LRMDA: variants seen among roughly 807,000 people sequenced by gnomAD.
The protein encoded by LRMDA is leucine rich melanocyte differentiation associated, also known as leucine-rich melanocyte differentiation-associated protein.
LRMDA carries 18 observed loss-of-function variants against 29.8 expected under a neutral mutation model. That is an observed-to-expected ratio of 0.60 (90% CI 0.42 to 0.90). LRMDA has a LOEUF of 0.90. Among genes scored for constraint, LRMDA ranks in the 40% least tolerant of loss-of-function variants. LRMDA has a pLI of 0.00. For synonymous variants in LRMDA, 125 were observed against 109.4 expected (o/e 1.14, Z -0.89); for missense variants, 273 against 273.9 (o/e 1.00, Z 0.02).
intron 5 of LRMDA, among the ~76,000 whole-genome samples, chr10:76,061,802 C>T (rs1357427791): frequency 3.3e-5 from 5 of 152,182 alleles, no homozygotes; most frequent in Non-Finnish European, 7.3e-5. Context: ...GACGATTCTT[C>T]TGTGTTCTTG....
intron 2 of LRMDA, among the ~76,000 whole-genome samples, chr10:76,018,241 T>TA (rs1246532483): frequency 6.6e-6 from 1 of 152,214 alleles, no homozygotes; most frequent in African/African-American, 2.4e-5. Flanking sequence ...ATAATGTTTG[T>TA]AGTCAGGGCC....
At chr10:75,781,640 T>C (rs968900657) in intron 2 of LRMDA, among the ~76,000 whole-genome samples, 10 of 152,176 alleles carry the variant, frequency 6.6e-5, no homozygotes, top group African/African-American at 2.4e-4. Context: ...ATCTTTTTGC[T>C]GATACCCCTC....
chr10:75,598,877 C>T (rs193283402), intron 2 of LRMDA, among the ~76,000 whole-genome samples: 4 of 152,232 alleles, frequency 2.6e-5, no homozygotes, highest in African/African-American at 9.6e-5. Context: ...AGCAAAGCAC[C>T]TGGGCTTCTG....
intron 6 of LRMDA, among the ~76,000 whole-genome samples, chr10:76,451,642 CTT>C (rs777043341): frequency 6.2e-5 from 8 of 129,958 alleles, no homozygotes; most frequent in Admixed American, 7.8e-5. Context: ...TTCTCCAATG[CTT>C]TTTTTTTTTT....
intron 6 of LRMDA, among the ~76,000 whole-genome samples, chr10:76,379,085 G>A (rs1173318891): frequency 6.6e-6 from 1 of 151,704 alleles, no homozygotes; most frequent in Non-Finnish European, 1.5e-5. Context: ...TCAGACTCCT[G>A]ACCTCAGGTG....
At chr10:75,693,601 G>A (rs980179859) in intron 2 of LRMDA, among the ~76,000 whole-genome samples, 4 of 152,178 alleles carry the variant, frequency 2.6e-5, no homozygotes, top group Non-Finnish European at 4.4e-5. Flanking sequence ...CGATGGAGTC[G>A]TATGATGCCC....
chr10:75,594,689 G>T (rs149170640), intron 2 of LRMDA, among the ~76,000 whole-genome samples: 5 of 152,300 alleles, frequency 3.3e-5, no homozygotes, highest in African/African-American at 1.2e-4. Flanking sequence ...GTCATAGTAG[G>T]GGGGATCCTA....
intron 6 of LRMDA, among the ~76,000 whole-genome samples, chr10:76,428,053 G>T (rs1842148456): frequency 6.6e-6 from 1 of 152,082 alleles, no homozygotes; most frequent in Non-Finnish European, 1.5e-5. Flanking sequence ...AGGGATATTG[G>T]TCTAAAATTC....
intron 2 of LRMDA, among the ~76,000 whole-genome samples, chr10:75,737,061 G>GCACACA (rs148786283): frequency 1.4e-5 from 2 of 147,786 alleles, no homozygotes; most frequent in Non-Finnish European, 1.5e-5. Flanking sequence ...ACGCACGCAC[G>GCACACA]CACACACACA....
intron 2 of LRMDA, among the ~76,000 whole-genome samples, chr10:75,470,644 G>T (rs760077344): frequency 6.6e-6 from 1 of 152,194 alleles, no homozygotes; most frequent in Non-Finnish European, 1.5e-5. Context: ...TGGCTGTGGC[G>T]TGGATGATGC....
chr10:75,435,340 A>C (rs1414227182), intron 1 of LRMDA, among the ~76,000 whole-genome samples: 1 of 152,164 alleles, frequency 6.6e-6, no homozygotes, highest in Non-Finnish European at 1.5e-5. Flanking sequence ...GCTTCCTGAC[A>C]TCCTGAGAGG....
intron 6 of LRMDA, among the ~76,000 whole-genome samples, chr10:76,457,006 T>G (rs1188574207): frequency 5.3e-5 from 8 of 152,156 alleles, no homozygotes; most frequent in African/African-American, 1.4e-4. Flanking sequence ...TAACTCCGAC[T>G]TTGAACATTT....
rs1843599368 is a variant in LRMDA at position 76,559,553 on chromosome 10, C to G, written c.*2265C>G. 6.6e-6 allele frequency: 1 copy of G among 152,222 alleles called. No homozygotes were observed. The highest frequency in any genetic ancestry group is 1.5e-5 in the Non-Finnish European group (1 of 68,034). The allele number at this position is 152,222 out of a possible 1,614,324, so 9.4% of individuals were successfully genotyped here. On this transcript the variant is annotated 3_prime_UTR_variant, in exon 7 of 7. Coordinates refer to ENST00000611255, the MANE Select transcript of LRMDA (RefSeq NM_001305581.2). ...AAGTGCTGGGTTGGTTACAGTTCCACTGTGTGTTAACCAAAATTTGCTGTG... is the reference window on the plus strand; with the variant it reads ...AAGTGCTGGGTTGGTTACAGTTCCAGTGTGTGTTAACCAAAATTTGCTGTG...
chr10:76,069,252 G>A (rs1898061), intron 5 of LRMDA, among the ~76,000 whole-genome samples: 57,371 of 152,096 alleles, frequency 0.38, 12,030 homozygotes, highest in Non-Finnish European at 0.46. Flanking sequence ...CAAGCATGAT[G>A]GGGAAGGCTT....
chr10:76,002,869 C>A (rs778883236), intron 2 of LRMDA, among the ~76,000 whole-genome samples: 3 of 152,188 alleles, frequency 2.0e-5, no homozygotes, highest in Non-Finnish European at 4.4e-5. Context: ...GAGGCCCAGC[C>A]TTCTGGGCCT....
intron 2 of LRMDA, among the ~76,000 whole-genome samples, chr10:75,561,511 T>C (rs1261769233): frequency 6.6e-6 from 1 of 152,022 alleles, no homozygotes; most frequent in East Asian, 1.9e-4. Context: ...TTTAAAGGGT[T>C]TTTTGAGTCT....
At chr10:75,956,565 G>A (rs554036224) in intron 2 of LRMDA, among the ~76,000 whole-genome samples, 5 of 152,232 alleles carry the variant, frequency 3.3e-5, no homozygotes, top group African/African-American at 1.2e-4. Flanking sequence ...TACAAGTGTG[G>A]TCCCTGCCAT....
intron 2 of LRMDA, among the ~76,000 whole-genome samples, chr10:75,672,960 C>CT (rs11325038): frequency 0.032 from 4,609 of 142,040 alleles, 234 homozygotes; most frequent in African/African-American, 0.11. Context: ...AACTGTTTGC[C>CT]TTTTTTTTTT....
chr10:75,547,249 T>C (rs951483257), intron 2 of LRMDA, among the ~76,000 whole-genome samples: 10 of 152,184 alleles, frequency 6.6e-5, no homozygotes, highest in Admixed American at 2.0e-4. Flanking sequence ...CATTACTGAG[T>C]ATCTCTGGAC....
Sources: gnomAD v4.1 joint callset for allele counts (sites outside exome capture counted in the v4.1 genomes callset) on GRCh38, gnomAD v4.1.1 for gene constraint, MANE v1.5 for transcripts, NCBI Gene and HGNC (gene_info 2026-07-23, HGNC 2026-07-21) for gene names.